The following PIR variants were observed in gnomAD, a reference collection of about 807,000 sequenced individuals.
PIR encodes the protein pirin (iron-binding nuclear protein).
A neutral mutation model predicts 24.2 loss-of-function variants in PIR; 22 were observed. The observed-to-expected ratio is 0.91, with a 90% CI of 0.65 to 1.30. PIR has a LOEUF of 1.30. Ranked by LOEUF, PIR falls within the 50% of genes most tolerant of loss-of-function variation. The probability of loss-of-function intolerance (pLI) is 0.00; values close to 1 mark genes in which losing one functional copy is unlikely to be tolerated. For missense variants in PIR, 220 were observed against 220.3 expected, an observed-to-expected ratio of 1.00 and a Z score of 0.01; for synonymous variants, 80 against 79.6, an observed-to-expected ratio of 1.00 and a Z score of -0.03.
At position 15,384,935 on chromosome X, in the gene PIR, C is replaced by G; in HGVS notation, c.*69G>C. On this transcript the variant is annotated 3_prime_UTR_variant, in exon 10 of 10. Coordinates refer to ENST00000380420, the MANE Select transcript of PIR (RefSeq NM_001018109.3). The stretch of plus-strand genomic sequence containing the variant: ...CTAAATAAGCTTTAGAAATGGAATG[C>G]CTTCAATGGCTCAATCTCAGAAATG... 3.7e-6 allele frequency: 2 copies of G among 534,655 alleles called. No homozygotes were observed. The highest frequency in any genetic ancestry group is 3.3e-4 in the Middle Eastern group (1 of 2,998). 44.1% of individuals were successfully genotyped at this position (534,655 alleles called of 1,213,427 possible).
chrX:15,479,559 A>C (rs1922389625), intron 3 of PIR, among the ~76,000 whole-genome samples, 170 bp downstream of exon 3: 1 of 112,112 alleles, frequency 8.9e-6, no homozygotes, highest in South Asian at 3.7e-4. Context: ...AATTCAAAGA[A>C]TACTAAAAAC....
At chrX:15,442,054 G>A (rs562879666) in intron 5 of PIR, among the ~76,000 whole-genome samples, 1 of 109,803 alleles carries the variant, frequency 9.1e-6, no homozygotes. Flanking sequence ...CCTTTATTGT[G>A]CTTTGTAAAT....
chrX:15,390,201 T>G lies in PIR; in HGVS notation c.744A>C (p.Glu248Asp), dbSNP rs769242287. The G allele has an allele frequency of 8.8e-7, 1 of 1,140,268 alleles. No homozygotes were observed. 94.0% of individuals were successfully genotyped at this position (1,140,268 alleles called of 1,213,427 possible). Residue 248 changes from glutamate (E) to aspartate (D), a missense_variant, in exon 9 of 10, where the codon GAA (glutamate) becomes GAC (aspartate). Glu to Asp is a conservative substitution (Grantham distance 45). Transcript: ENST00000380420. The part of the protein sequence containing the change: ...FVLIAGEPLR[E>D]PVIQHGPFVM... ...TGGTCTTACCATGTTGGATAACTGG[T>G]TCTCTTAATGGCTCCCCAGCAATTA... is the stretch of plus-strand genomic sequence containing the variant.
intron 5 of PIR, among the ~76,000 whole-genome samples, chrX:15,428,048 G>C (rs767689792): frequency 1.8e-5 from 2 of 111,480 alleles, no homozygotes; most frequent in Non-Finnish European, 3.8e-5. Flanking sequence ...TCCAATTGAA[G>C]CTTTGGGGTT....
chrX:15,393,030 C>T (rs942437939), intron 8 of PIR, among the ~76,000 whole-genome samples: 2 of 111,911 alleles, frequency 1.8e-5, no homozygotes, highest in Non-Finnish European at 3.8e-5. Context: ...GAATTAAATA[C>T]CCATTTAAAA....
intron 5 of PIR, among the ~76,000 whole-genome samples, chrX:15,450,944 G>A (rs759595361): frequency 5.1e-4 from 57 of 111,483 alleles, no homozygotes; most frequent in Middle Eastern, 4.6e-3. Flanking sequence ...AGGAAAAATC[G>A]TGTGTGTGCA....
chrX:15,435,627 T>C (rs913426263), intron 5 of PIR, among the ~76,000 whole-genome samples: 2 of 111,688 alleles, frequency 1.8e-5, no homozygotes, highest in Non-Finnish European at 3.8e-5. Context: ...ATCTTCCTTC[T>C]ACCACCTTCC....
chrX:15,403,964 T>C (rs1443028654), intron 7 of PIR, among the ~76,000 whole-genome samples: 1 of 109,856 alleles, frequency 9.1e-6, no homozygotes, highest in African/African-American at 3.3e-5. Context: ...CTGACTTACT[T>C]TGACAACTAG....
intron 2 of PIR, among the ~76,000 whole-genome samples, chrX:15,487,965 A>C (rs1341657732): frequency 8.9e-6 from 1 of 112,141 alleles, no homozygotes; most frequent in Non-Finnish European, 1.9e-5. Flanking sequence ...TAGAGACAGA[A>C]GCTTTGGTGC....
Position 15,397,534 on chromosome X carries a change from A to G in PIR, c.611-3T>C. On this transcript the variant is annotated splice_region_variant and splice_polypyrimidine_tract_variant and intron_variant, in intron 7 of 9. Coordinates refer to ENST00000380420, the MANE Select transcript of PIR (RefSeq NM_001018109.3). ...TTTTTGTTGTGCATCATCGGGCCCT[A>G]CAAAACCAATGACACACTAATTTAA... The G allele has an allele frequency of 1.7e-6, 2 of 1,181,965 alleles. No homozygotes were observed. The highest frequency in any genetic ancestry group is 1.2e-6 in the Non-Finnish European group (1 of 868,320).
At chrX:15,415,576 C>A (rs896018983) in intron 6 of PIR, among the ~76,000 whole-genome samples, 1 of 111,610 alleles carries the variant, frequency 9.0e-6, no homozygotes, top group African/African-American at 3.2e-5. Context: ...ATGGTGACTA[C>A]AGTTAATAAC....
chrX:15,459,614 A>AT, intron 4 of PIR, 43 bp downstream of exon 4: 4 of 880,548 alleles, frequency 4.5e-6, no homozygotes, highest in Non-Finnish European at 6.7e-6. Flanking sequence ...ACGTGCACCC[A>AT]AAAACTACTA....
intron 4 of PIR, among the ~76,000 whole-genome samples, chrX:15,457,663 T>G (rs1000307228): frequency 2.7e-5 from 3 of 111,518 alleles, no homozygotes; most frequent in Middle Eastern, 4.2e-3. Context: ...AAAAAGAATC[T>G]GAGACAAGAA....
intron 5 of PIR, among the ~76,000 whole-genome samples, chrX:15,427,826 A>AGT (rs1327343784): frequency 1.9e-5 from 2 of 108,093 alleles, no homozygotes. Context: ...TACACACACA[A>AGT]GTGTGTGTGT....
At position 15,456,043 on chromosome X, in the gene PIR, C is replaced by T. The variant is rs137971206; in HGVS notation, c.285G>A (p.Ala95=). Residue 95 remains alanine (A), a synonymous_variant, in exon 5 of 10, where the codon GCG becomes GCA. Transcript: ENST00000380420. The part of the protein sequence containing the change: ...MNPGDLQWMT[A]GRGILHAEMP... ...TCTCAGCGTGCAGAATGCCCCGGCC[C>T]GCAGTCATCCACTGCAAACACAAAA... is the stretch of plus-strand genomic sequence containing the variant. The T allele has an allele frequency of 4.5e-5, 54 of 1,207,823 alleles. No individual in the cohort carries two copies. The African/African-American group carries it at 6.8e-4, about 15-fold the overall frequency.
intron 8 of PIR, among the ~76,000 whole-genome samples, chrX:15,390,774 C>G (rs1038472374): frequency 9.0e-6 from 1 of 111,556 alleles, no homozygotes; most frequent in Non-Finnish European, 1.9e-5. Context: ...GGTCCTATTA[C>G]GTTAAAGTCT....
intron 8 of PIR, among the ~76,000 whole-genome samples, chrX:15,396,086 A>G (rs1367158594): frequency 7.1e-5 from 8 of 112,258 alleles, no homozygotes; most frequent in East Asian, 2.8e-4. Context: ...TAAACCAGAT[A>G]ATGTTACAAA....
rs762296632 is a variant in PIR at position 15,454,897 on chromosome X, C to T, written c.480+951G>A. On this transcript the variant is annotated intron_variant, in intron 5 of 9. Coordinates refer to ENST00000380420, the MANE Select transcript of PIR (RefSeq NM_001018109.3). Reference sequence around the variant, plus strand: ...GTAAGGGAGCATGAAAGCCCGGCTCCCTTGCCAGGGATGGGCTCGGACATC... The same window carrying T: ...GTAAGGGAGCATGAAAGCCCGGCTCTCTTGCCAGGGATGGGCTCGGACATC... Among the ~76,000 whole-genome samples the T allele has an allele frequency of 2.7e-5, 3 of 112,143 alleles. No homozygotes were observed. In the East Asian group the frequency reaches 8.5e-4, roughly 32 times the overall value.
intron 3 of PIR, among the ~76,000 whole-genome samples, chrX:15,470,811 C>T (rs747885386): frequency 2.7e-5 from 3 of 110,630 alleles, no homozygotes; most frequent in Admixed American, 1.9e-4. Flanking sequence ...CCATGTTGGC[C>T]AGGCTGGTCT....
Sources: gnomAD v4.1 joint callset for allele counts (sites outside exome capture counted in the v4.1 genomes callset) on GRCh38, gnomAD v4.1.1 for gene constraint, MANE v1.5 for transcripts, NCBI Gene and HGNC (gene_info 2026-07-23, HGNC 2026-07-21) for gene names.